Variants in NBAS observed in about 807,000 individuals in gnomAD.
NBAS encodes the protein NAG/BC035112 fusion.
Under a neutral mutation model 302.5 loss-of-function variants are expected in NBAS, and 219 were observed. That is an observed-to-expected ratio of 0.72 (90% CI 0.65 to 0.81). The LOEUF (loss-of-function observed/expected upper bound fraction) is 0.81, where lower values mean the gene tolerates loss of function less well. NBAS is among the 30% of genes least tolerant of loss of function. NBAS has a pLI of 0.00. For synonymous variants in NBAS, 1,118 were observed against 1,021.6 expected (o/e 1.09, Z -1.80); for missense variants, 2,932 against 2,841.6 (o/e 1.03, Z -0.72).
chr2:14,862,558 T>C, the NBAS span, among the ~76,000 whole-genome samples: 4 of 152,124 alleles, frequency 2.6e-5, no homozygotes, highest in African/African-American at 7.2e-5. Context: ...AACAAACAAA[T>C]ATGTAACCTT....
At chr2:14,794,358 A>C in the NBAS span, among the ~76,000 whole-genome samples, 1 of 152,228 alleles carries the variant, frequency 6.6e-6, no homozygotes, top group Non-Finnish European at 1.5e-5. Context: ...ACAAGTATAC[A>C]TCTAAATTTA....
At chr2:15,266,880 G>T (rs564833808) in intron 44 of NBAS, among the ~76,000 whole-genome samples, 2 of 152,200 alleles carry the variant, frequency 1.3e-5, no homozygotes, top group East Asian at 3.9e-4. Flanking sequence ...CATATAGATA[G>T]CTGTCCACAG....
At chr2:15,350,177 C>G (rs1018535786) in intron 35 of NBAS, among the ~76,000 whole-genome samples, 1 of 152,004 alleles carries the variant, frequency 6.6e-6, no homozygotes, top group African/African-American at 2.4e-5. Flanking sequence ...TATCTTTGCC[C>G]TAATTCCACC....
At chr2:15,467,561 A>G (rs1178320568) in intron 18 of NBAS, 103 bp downstream of exon 18, 1 of 1,328,110 alleles carries the variant, frequency 7.5e-7, no homozygotes, top group Non-Finnish European at 1.1e-6. Flanking sequence ...CATTTGATCT[A>G]AGTTGCTAAA....
chr2:14,994,676 C>T, the NBAS span, among the ~76,000 whole-genome samples: 2 of 152,216 alleles, frequency 1.3e-5, no homozygotes, highest in Non-Finnish European at 2.9e-5. Context: ...ACCTGTAGCC[C>T]TGGGGCTGAT....
chr2:15,267,855 C>T (rs1376379317), intron 44 of NBAS, among the ~76,000 whole-genome samples: 3 of 152,066 alleles, frequency 2.0e-5, no homozygotes, highest in African/African-American at 4.8e-5. Context: ...TATGACAGTA[C>T]ACTTCACTTT....
chr2:14,830,182 A>C, the NBAS span, among the ~76,000 whole-genome samples: 2 of 152,170 alleles, frequency 1.3e-5, no homozygotes, highest in East Asian at 3.9e-4. Context: ...TCTGTTATAC[A>C]ATATCCAGCA....
At chr2:14,800,276 C>A in the NBAS span, among the ~76,000 whole-genome samples, 14 of 152,238 alleles carry the variant, frequency 9.2e-5, no homozygotes, top group East Asian at 1.7e-3. Context: ...TGGGGGCAGG[C>A]CTTTCTGTGC....
chr2:14,798,931 A>G, the NBAS span, among the ~76,000 whole-genome samples: 5 of 152,186 alleles, frequency 3.3e-5, no homozygotes, highest in South Asian at 2.1e-4. Context: ...CATTCCTGAT[A>G]TTAGTAATTT....
chr2:15,099,680 G>T, the NBAS span, among the ~76,000 whole-genome samples: 1 of 151,776 alleles, frequency 6.6e-6, no homozygotes, highest in East Asian at 1.9e-4. Flanking sequence ...TAGTGCACAC[G>T]GGATCCTGTT....
At chr2:15,173,716 G>A (rs968021330) in intron 51 of NBAS, among the ~76,000 whole-genome samples, 4 of 152,038 alleles carry the variant, frequency 2.6e-5, no homozygotes, top group East Asian at 1.9e-4. Context: ...ATCTCACAAC[G>A]AGACGGAGAC....
chr2:15,002,539 C>A, the NBAS span, among the ~76,000 whole-genome samples: 1 of 152,326 alleles, frequency 6.6e-6, no homozygotes, highest in Admixed American at 6.5e-5. Flanking sequence ...CGCCCACACT[C>A]CTCAGCCCTT....
At chr2:14,847,867 G>C in the NBAS span, among the ~76,000 whole-genome samples, 2 of 152,092 alleles carry the variant, frequency 1.3e-5, no homozygotes, top group Admixed American at 6.5e-5. Context: ...CTCAAGGACA[G>C]GCCATATGTT....
intron 47 of NBAS, among the ~76,000 whole-genome samples, chr2:15,219,979 C>T (rs2147889608): frequency 6.6e-6 from 1 of 150,376 alleles, no homozygotes; most frequent in South Asian, 2.1e-4. Context: ...TAGGGGCGGC[C>T]GGGCAGAGGC....
the NBAS span, among the ~76,000 whole-genome samples, chr2:14,967,788 T>C: frequency 6.6e-6 from 1 of 152,154 alleles, no homozygotes; most frequent in Non-Finnish European, 1.5e-5. Flanking sequence ...GAAAAAAATA[T>C]ATTTGCAAGT....
chr2:15,451,046 T>C (rs746426529), intron 21 of NBAS, among the ~76,000 whole-genome samples: 28 of 152,188 alleles, frequency 1.8e-4, no homozygotes, highest in African/African-American at 6.3e-4. Flanking sequence ...ATTCATTCAT[T>C]CATCCATTTA....
At chr2:15,121,503 C>T in the NBAS span, among the ~76,000 whole-genome samples, 1 of 152,052 alleles carries the variant, frequency 6.6e-6, no homozygotes, top group Non-Finnish European at 1.5e-5. Flanking sequence ...CTAGGACAGA[C>T]ATTTTTACCA....
At chr2:15,538,368 A>G (rs756142496) in intron 7 of NBAS, 1 of 422,378 alleles carries the variant, frequency 2.4e-6, no homozygotes, top group South Asian at 1.6e-5. Context: ...TTCTCCACTC[A>G]TTATTTCTGA....
chr2:15,539,431 T>A, intron 6 of NBAS, 75 bp from the exon 7 acceptor site: 7 of 1,527,880 alleles, frequency 4.6e-6, no homozygotes, highest in Non-Finnish European at 6.3e-6. Flanking sequence ...TAACTGCAAC[T>A]AAAGTAAGTA....
Sources: gnomAD v4.1 joint callset for allele counts (sites outside exome capture counted in the v4.1 genomes callset) on GRCh38, gnomAD v4.1.1 for gene constraint, MANE v1.5 for transcripts, NCBI Gene and HGNC (gene_info 2026-07-23, HGNC 2026-07-21) for gene names.